EPHA4: variants seen among roughly 807,000 people sequenced by gnomAD.
The protein encoded by EPHA4 is ephrin type-A receptor 4.
A neutral mutation model predicts 108.3 loss-of-function variants in EPHA4; 19 were observed. The observed-to-expected ratio is 0.18, with a 90% CI of 0.12 to 0.26. The LOEUF (loss-of-function observed/expected upper bound fraction) is 0.26. Among genes scored for constraint, EPHA4 ranks in the 10% least tolerant of loss-of-function variants. EPHA4 has a pLI of 1.00. For synonymous variants in EPHA4, 449 were observed against 455.5 expected, an observed-to-expected ratio of 0.99 and a Z score of 0.18; for missense variants, 917 against 1,254.0, an observed-to-expected ratio of 0.73 and a Z score of 4.06.
At chr2:221,522,761 A>T (rs536046117) in intron 3 of EPHA4, among the ~76,000 whole-genome samples, 111 of 56,400 alleles carry the variant, frequency 2.0e-3, no homozygotes, top group Admixed American at 4.9e-3. Context: ...TATTATTATT[A>T]TTATTATTAT....
rs1694843761 is a variant in EPHA4 at position 221,571,698 on chromosome 2, C to G, written c.91+460G>C. On this transcript the variant is annotated intron_variant, in intron 1 of 17. Coordinates refer to ENST00000281821, the MANE Select transcript of EPHA4 (RefSeq NM_004438.5). This position sits in a 1 kb window ranked among gnomAD's most constrained non-coding sequence, Gnocchi z 6.3. ...GCCCGGTCCCGAGAAGCGCAGGGCTCGGGAAACTTTGCAGAAACCAGAGCT... is the reference window on the plus strand; with the variant it reads ...GCCCGGTCCCGAGAAGCGCAGGGCTGGGGAAACTTTGCAGAAACCAGAGCT... Among the ~76,000 whole-genome samples, 1 of 152,192 alleles carries G rather than the reference C, an allele frequency of 6.6e-6. No individual in the cohort carries two copies. The highest frequency in any genetic ancestry group is 1.5e-5 in the Non-Finnish European group (1 of 68,030).
chr2:221,553,706 T>G (rs542831500), intron 3 of EPHA4, among the ~76,000 whole-genome samples: 1 of 152,332 alleles, frequency 6.6e-6, no homozygotes, highest in East Asian at 1.9e-4. Context: ...ACATGGAACC[T>G]TTTTCGCCTT....
At chr2:221,568,854 C>T in intron 1 of EPHA4, 69 bp from the exon 2 acceptor site, 1 of 1,371,580 alleles carries the variant, frequency 7.3e-7, no homozygotes, top group South Asian at 1.2e-5. Flanking sequence ...AAACCATTTG[C>T]CTGAGCGTTT....
At chr2:221,498,764 G>T (rs1692381091) in intron 4 of EPHA4, among the ~76,000 whole-genome samples, 1 of 150,890 alleles carries the variant, frequency 6.6e-6, no homozygotes, top group African/African-American at 2.4e-5. Context: ...CAGGTGAAAG[G>T]CACCAGTCCT....
intron 3 of EPHA4, among the ~76,000 whole-genome samples, chr2:221,544,693 C>T (rs1693936920): frequency 1.3e-5 from 2 of 152,076 alleles, no homozygotes; most frequent in East Asian, 1.9e-4. Context: ...TTGTATCCCC[C>T]CTCCAAAATG....
chr2:221,444,507 T>C (rs746335602), intron 9 of EPHA4, among the ~76,000 whole-genome samples: 9 of 152,134 alleles, frequency 5.9e-5, no homozygotes, highest in South Asian at 4.1e-4. Flanking sequence ...CCCAGCACCA[T>C]TGGTTAGGAA....
intron 5 of EPHA4, among the ~76,000 whole-genome samples, chr2:221,461,648 G>A (rs997609338): frequency 1.3e-5 from 2 of 152,150 alleles, no homozygotes; most frequent in Non-Finnish European, 2.9e-5. Flanking sequence ...CCGAGAGGGG[G>A]AATGGGTAAG....
chr2:221,528,112 A>T (rs1693398251), intron 3 of EPHA4, among the ~76,000 whole-genome samples: 1 of 149,890 alleles, frequency 6.7e-6, no homozygotes, highest in Admixed American at 6.8e-5. Context: ...TGCCTGTCTC[A>T]TTCTCTCTTG....
chr2:221,531,477 G>A (rs1451404199), intron 3 of EPHA4, among the ~76,000 whole-genome samples: 1 of 151,954 alleles, frequency 6.6e-6, no homozygotes, highest in Non-Finnish European at 1.5e-5. Flanking sequence ...AAATTTCATA[G>A]TAATCACAAA....
intron 15 of EPHA4, among the ~76,000 whole-genome samples, chr2:221,427,107 C>T (rs1689934769): frequency 6.6e-6 from 1 of 152,212 alleles, no homozygotes; most frequent in South Asian, 2.1e-4. Context: ...AATTCAAGTC[C>T]AGCATGCTTC....
chr2:221,547,096 G>A (rs920712876), intron 3 of EPHA4, among the ~76,000 whole-genome samples: 4 of 152,188 alleles, frequency 2.6e-5, no homozygotes, highest in Non-Finnish European at 5.9e-5. Flanking sequence ...TACAGGAAGT[G>A]ACAAGTACCT....
chr2:221,497,364 T>C (rs1334316821), intron 4 of EPHA4, among the ~76,000 whole-genome samples: 1 of 152,194 alleles, frequency 6.6e-6, no homozygotes, highest in Non-Finnish European at 1.5e-5. Context: ...GATCAGCAAG[T>C]TGATGGCGTC....
intron 3 of EPHA4, among the ~76,000 whole-genome samples, chr2:221,549,743 T>C (rs142514650): frequency 0.11 from 16,505 of 152,276 alleles, 1,112 homozygotes; most frequent in East Asian, 0.15. Flanking sequence ...TCCCAGCACT[T>C]TGGGGGGCCC....
chr2:221,499,197 G>GA (rs1692397328), intron 4 of EPHA4, among the ~76,000 whole-genome samples: 1 of 146,530 alleles, frequency 6.8e-6, no homozygotes, highest in South Asian at 2.1e-4. Flanking sequence ...CTCTATAATA[G>GA]AATAATATAA....
At chr2:221,486,434 A>C (rs1691974854) in intron 4 of EPHA4, among the ~76,000 whole-genome samples, 1 of 152,076 alleles carries the variant, frequency 6.6e-6, no homozygotes, top group Admixed American at 6.6e-5. Flanking sequence ...TGTGCTCCTC[A>C]AGAATTGATG....
chr2:221,546,757 G>A (rs1038651314), intron 3 of EPHA4, among the ~76,000 whole-genome samples: 1 of 152,152 alleles, frequency 6.6e-6, no homozygotes, highest in Non-Finnish European at 1.5e-5. Flanking sequence ...TGTCCCCATT[G>A]TTTATAGTAC....
chr2:221,513,652 T>C (rs1692899602), intron 3 of EPHA4, among the ~76,000 whole-genome samples: 3 of 152,176 alleles, frequency 2.0e-5, no homozygotes, highest in Admixed American at 2.0e-4. Flanking sequence ...TTAAAAAAAA[T>C]GAGTGTATAT....
chr2:221,430,020 G>A lies in EPHA4; in HGVS notation c.2628C>T (p.Asn876=), dbSNP rs751138156. The change falls in exon 15 of 18, where the codon AAC becomes AAT. Residue 876 remains asparagine (N), a synonymous_variant. Transcript: ENST00000281821. ...GGTTGCGGATGAGTTTGTCCAACAT[G>A]TTGACAATCTGCCCAAATTTAGGCC... is the stretch of plus-strand genomic sequence containing the variant. The part of the protein sequence containing the change: ...SDRPKFGQIV[N]MLDKLIRNPN... 2 of 1,614,062 alleles carry A rather than the reference G, an allele frequency of 1.2e-6. No individual in the cohort carries two copies. The highest frequency in any genetic ancestry group is 1.3e-5 in the African/African-American group (1 of 75,018).
intron 3 of EPHA4, among the ~76,000 whole-genome samples, chr2:221,528,746 C>T (rs1032215701): frequency 9.9e-5 from 15 of 152,174 alleles, no homozygotes; most frequent in African/African-American, 3.6e-4. Context: ...ACCATTTCCC[C>T]ATCCTCTGAT....
Sources: allele counts gnomAD v4.1 joint callset (sites outside exome capture counted in the v4.1 genomes callset), GRCh38; gene constraint gnomAD v4.1.1; non-coding constraint Gnocchi (gnomAD v3.1); transcripts MANE v1.5; gene names NCBI Gene and HGNC (gene_info 2026-07-23, HGNC 2026-07-21).